Variants in ASS1 observed in about 807,000 individuals in gnomAD.
ASS1 encodes argininosuccinate synthase 1, also known as argininosuccinate synthase.
ASS1 carries 58 observed loss-of-function variants against 60.5 expected under a neutral mutation model. The observed-to-expected ratio is 0.96, with a 90% confidence interval of 0.78 to 1.19. The LOEUF (loss-of-function observed/expected upper bound fraction) is 1.19, where lower values mean the gene tolerates loss of function less well. Among genes scored for constraint, ASS1 ranks in the 50% most tolerant of loss-of-function variants. The pLI, the probability that ASS1 is intolerant of heterozygous loss-of-function variation, is 0.00. For synonymous variants in ASS1, 200 were observed against 206.9 expected (o/e 0.97, Z 0.29); for missense variants, 454 against 547.3 (o/e 0.83, Z 1.70).
intron 1 of ASS1, among the ~76,000 whole-genome samples, chr9:130,445,369 A>G (rs904343976): frequency 1.3e-5 from 2 of 152,054 alleles, no homozygotes; most frequent in Non-Finnish European, 2.9e-5. Flanking sequence ...AGACCTGGGG[A>G]GTCCGGAGCG....
At chr9:130,465,742 G>A (rs138155355) in intron 5 of ASS1, among the ~76,000 whole-genome samples, 49 of 152,360 alleles carry the variant, frequency 3.2e-4, no homozygotes, top group African/African-American at 1.0e-3. Flanking sequence ...CTTGGGATGC[G>A]TGGCCTGGAG....
chr9:130,477,361 C>A lies in ASS1; in HGVS notation c.688+400C>A, dbSNP rs1239732665. Among the ~76,000 whole-genome samples, 1 of 152,154 alleles carries A rather than the reference C, an allele frequency of 6.6e-6. No individual in the cohort carries two copies. Among genetic ancestry groups the A allele is most frequent in the Non-Finnish European group, 1.5e-5 (1 of 68,028 alleles). The stretch of plus-strand genomic sequence containing the variant: ...GGAGCGTCCAGCCCTGGGCCCTGAC[C>A]CCGGAAGGTGCTCAGTAAACGGTGA... On this transcript the variant is annotated intron_variant, in intron 9 of 14. Coordinates refer to ENST00000352480, the MANE Select transcript of ASS1 (RefSeq NM_054012.4). The surrounding 1 kb of genome is among the most constrained non-coding windows in gnomAD (Gnocchi z 4.2).
chr9:130,464,307 CCTGCTGGGGAGG>C, intron 5 of ASS1, 140 bp downstream of exon 5: 1 of 1,052,146 alleles, frequency 9.5e-7, no homozygotes, highest in Non-Finnish European at 1.4e-6. Context: ...GGGTGGACAG[CCTGCTGGGGAGG>C]CTCCCTTCGC....
chr9:130,474,003 C>A (rs1845942286), intron 8 of ASS1, among the ~76,000 whole-genome samples: 1 of 125,144 alleles, frequency 8.0e-6, no homozygotes, highest in Non-Finnish European at 1.9e-5. Context: ...CGCCCTCTCC[C>A]CCTAGCCCCC....
chr9:130,469,241 G>A (rs1451423320), intron 6 of ASS1, among the ~76,000 whole-genome samples: 2 of 152,236 alleles, frequency 1.3e-5, no homozygotes, highest in Non-Finnish European at 2.9e-5. Context: ...GCCTGGCCAA[G>A]GGCACAGGGC....
intron 11 of ASS1, among the ~76,000 whole-genome samples, chr9:130,482,865 C>G (rs1846205623): frequency 6.6e-6 from 1 of 152,158 alleles, no homozygotes; most frequent in Non-Finnish European, 1.5e-5. Flanking sequence ...AGGCTCTCCC[C>G]AAAAGCACAG....
Position 130,489,568 on chromosome 9 carries a change from T to A in ASS1, c.970+104T>A, listed in dbSNP as rs1846397674. On this transcript the variant is annotated intron_variant, in intron 12 of 14. Transcript: ENST00000352480. This position sits in a 1 kb window ranked among gnomAD's most constrained non-coding sequence, Gnocchi z 4.1. ...CCTCCCCTCCGTATCAGCACCTTCC[T>A]CCCCTGCCGCCCACTGCCATCCTCA... 27 of 1,566,900 alleles carry A rather than the reference T, an allele frequency of 1.7e-5. No individual in the cohort carries two copies. Among genetic ancestry groups the A allele is most frequent in the Non-Finnish European group, 2.3e-5 (26 of 1,144,624 alleles).
At chr9:130,495,939 G>A (rs1336288444) in intron 13 of ASS1, among the ~76,000 whole-genome samples, 2 of 152,170 alleles carry the variant, frequency 1.3e-5, no homozygotes, top group African/African-American at 4.8e-5. Context: ...CATGCATTTG[G>A]ATTTAGGTGT....
chr9:130,461,825 C>T lies in ASS1; in HGVS notation c.364-2286C>T, dbSNP rs980804484. Among the ~76,000 whole-genome samples the T allele has an allele frequency of 2.0e-5, 3 of 152,214 alleles. No homozygotes were observed. In the South Asian group the frequency reaches 6.2e-4, roughly 31 times the overall value. On this transcript the variant is annotated intron_variant, in intron 4 of 14. Coordinates refer to ENST00000352480, the MANE Select transcript of ASS1 (RefSeq NM_054012.4). ...CACCACCATCCCATGAGTATCCACC[C>T]AGCACTGCCCCGGGCGCCATCACGG...
intron 8 of ASS1, among the ~76,000 whole-genome samples, chr9:130,473,664 A>AGCATGGGGAACCCGT (rs1224224249): frequency 6.6e-6 from 1 of 152,166 alleles, no homozygotes; most frequent in African/African-American, 2.4e-5. Flanking sequence ...AGGGGAACAG[A>AGCATGGGGAACCCGT]GCCTGGGGAA....
intron 1 of ASS1, among the ~76,000 whole-genome samples, chr9:130,445,829 G>C (rs1845181994): frequency 6.6e-6 from 1 of 152,230 alleles, no homozygotes; most frequent in African/African-American, 2.4e-5. Context: ...GTCCACTCCC[G>C]AGCAGCCGAG....
chr9:130,487,051 G>C (rs668738), intron 11 of ASS1, among the ~76,000 whole-genome samples: 47,984 of 152,012 alleles, frequency 0.32, 8,158 homozygotes, highest in East Asian at 0.6. Flanking sequence ...CCCTCCCCAG[G>C]CCTCAGGTTC....
chr9:130,463,434 C>T (rs897027081), intron 4 of ASS1, among the ~76,000 whole-genome samples: 2 of 152,200 alleles, frequency 1.3e-5, no homozygotes, highest in Non-Finnish European at 2.9e-5. Context: ...AGGATGCAGG[C>T]GAGGCAACCT....
At chr9:130,461,924 G>A (rs1004373973) in intron 4 of ASS1, among the ~76,000 whole-genome samples, 5 of 152,210 alleles carry the variant, frequency 3.3e-5, no homozygotes, top group Non-Finnish European at 7.3e-5. Flanking sequence ...GGGGACAACG[G>A]ATTGGCCTGG....
rs192517788 is a variant in ASS1 at position 130,449,764 on chromosome 9, G to A, written c.-5-2460G>A. ...CAGATGGAAGGGCTTAGCCTAAGAC[G>A]GACATGTCTATTCCCTTGATTGTGG... On this transcript the variant is annotated intron_variant, in intron 1 of 14. Coordinates refer to ENST00000352480, the MANE Select transcript of ASS1 (RefSeq NM_054012.4). Among the ~76,000 whole-genome samples, 143 of 152,262 alleles carry A rather than the reference G, an allele frequency of 9.4e-4. 1 individual carries two copies. The highest frequency in any genetic ancestry group is 2.9e-4 in the Non-Finnish European group (20 of 68,016).
At chr9:130,458,826 G>A (rs1425269255) in intron 4 of ASS1, among the ~76,000 whole-genome samples, 1 of 152,224 alleles carries the variant, frequency 6.6e-6, no homozygotes, top group Non-Finnish European at 1.5e-5. Context: ...CTGTGGGAGC[G>A]ATGTCACCCC....
chr9:130,472,603 C>A (rs1280021398), intron 8 of ASS1, among the ~76,000 whole-genome samples: 1 of 152,180 alleles, frequency 6.6e-6, no homozygotes, highest in Non-Finnish European at 1.5e-5. Flanking sequence ...TGCCCACGGC[C>A]CCTCCCTGTC....
intron 11 of ASS1, among the ~76,000 whole-genome samples, chr9:130,485,999 C>T (rs1268044742): frequency 6.6e-6 from 1 of 152,100 alleles, no homozygotes; most frequent in Non-Finnish European, 1.5e-5. Context: ...TGTTTTGTTT[C>T]TCTTTCAGAC....
At chr9:130,467,861 C>T (rs2131883706) in intron 6 of ASS1, among the ~76,000 whole-genome samples, 1 of 152,284 alleles carries the variant, frequency 6.6e-6, no homozygotes, top group Non-Finnish European at 1.5e-5. Flanking sequence ...CAGGGCCGAC[C>T]CATACGTTGC....
Sources: gnomAD v4.1 joint callset for allele counts (sites outside exome capture counted in the v4.1 genomes callset) on GRCh38, gnomAD v4.1.1 for gene constraint, Gnocchi (gnomAD v3.1) non-coding constraint, MANE v1.5 for transcripts, NCBI Gene and HGNC (gene_info 2026-07-23, HGNC 2026-07-21) for gene names.